ACER2: variants seen among roughly 807,000 people sequenced by gnomAD.
The protein encoded by ACER2 is alkCDase 2.
ACER2 carries 26 observed loss-of-function variants against 34.7 expected under a neutral mutation model. The ratio of observed to expected loss-of-function variants is 0.75; its 90% CI spans 0.55 to 1.04. The LOEUF is 1.04. Among genes scored for constraint, ACER2 ranks in the 50% least tolerant of loss-of-function variants. The pLI, the probability that ACER2 is intolerant of heterozygous loss-of-function variation, is 0.00. For missense variants in ACER2, 352 were observed against 340.8 expected, an observed-to-expected ratio of 1.03 and a Z score of -0.26; for synonymous variants, 138 against 132.1, an observed-to-expected ratio of 1.04 and a Z score of -0.31.
chr9:19,435,386 C>T (rs16937510), intron 4 of ACER2, among the ~76,000 whole-genome samples: 1 of 152,000 alleles, frequency 6.6e-6, no homozygotes. Flanking sequence ...AAAGAAAAGT[C>T]CTAGAAAGGT....
intron 3 of ACER2, among the ~76,000 whole-genome samples, chr9:19,432,926 T>C (rs924962302): frequency 6.6e-6 from 1 of 151,320 alleles, no homozygotes; most frequent in Non-Finnish European, 1.5e-5. Context: ...AAAAAAATTG[T>C]TAAACCCTGC....
chr9:19,428,782 T>G (rs917064310), intron 3 of ACER2, among the ~76,000 whole-genome samples: 3 of 99,370 alleles, frequency 3.0e-5, no homozygotes, highest in Non-Finnish European at 6.6e-5. Flanking sequence ...GTGGGTTTTT[T>G]TTTTTTTTTT....
intron 4 of ACER2, among the ~76,000 whole-genome samples, chr9:19,443,716 G>A (rs1831236698): frequency 6.6e-6 from 1 of 152,112 alleles, no homozygotes; most frequent in African/African-American, 2.4e-5. Flanking sequence ...TGGAGCAGTG[G>A]TGCGATCTCA....
Position 19,450,768 on chromosome 9 carries a change from C to G in ACER2, c.*132C>G. 2.3e-6 allele frequency: 2 copies of G among 855,272 alleles called. No individual in the cohort carries two copies. Among genetic ancestry groups the G allele is most frequent in the East Asian group, 2.6e-5 (1 of 37,790 alleles). 53.0% of individuals were successfully genotyped at this position (855,272 alleles called of 1,614,324 possible). On this transcript the variant is annotated 3_prime_UTR_variant, in exon 6 of 6. Coordinates refer to ENST00000340967, the MANE Select transcript of ACER2 (RefSeq NM_001010887.3). The stretch of plus-strand genomic sequence containing the variant: ...TTTCAAAAATCTATTTGCTGGGGCT[C>G]TTAATTTCTTTAGTGTTCTTTGTAT...
At chr9:19,409,571 C>T (rs993213670) in intron 1 of ACER2, among the ~76,000 whole-genome samples, 30 of 152,158 alleles carry the variant, frequency 2.0e-4, no homozygotes, top group African/African-American at 7.2e-4. Flanking sequence ...TGTGGCGTGA[C>T]GCACTTGGGT....
intron 4 of ACER2, among the ~76,000 whole-genome samples, chr9:19,444,896 A>G (rs1831303400): frequency 6.6e-6 from 1 of 152,162 alleles, no homozygotes; most frequent in African/African-American, 2.4e-5. Flanking sequence ...CCTTCCTACA[A>G]GAGTATTTTG....
intron 4 of ACER2, among the ~76,000 whole-genome samples, chr9:19,435,768 A>G (rs1359582850): frequency 1.3e-5 from 2 of 151,656 alleles, no homozygotes; most frequent in Non-Finnish European, 2.9e-5. Context: ...GGAAAAAAAA[A>G]GCCGGGCGCA....
intron 3 of ACER2, among the ~76,000 whole-genome samples, chr9:19,433,801 T>G (rs371342583): frequency 7.2e-6 from 1 of 139,414 alleles, no homozygotes; most frequent in African/African-American, 2.7e-5. Context: ...CCCCACCTCC[T>G]TCCCGGACGG....
At chr9:19,414,180 TC>T (rs1830168818) in intron 1 of ACER2, among the ~76,000 whole-genome samples, 1 of 152,102 alleles carries the variant, frequency 6.6e-6, no homozygotes, top group Non-Finnish European at 1.5e-5. Context: ...GCCCCCTCAG[TC>T]CCAAGCAAAC....
intron 3 of ACER2, among the ~76,000 whole-genome samples, chr9:19,427,031 A>G (rs536540234): frequency 8.5e-5 from 13 of 152,320 alleles, no homozygotes; most frequent in African/African-American, 2.9e-4. Flanking sequence ...ACTGGGTACC[A>G]TATGTGTATA....
At chr9:19,435,464 A>G (rs1184202076) in intron 4 of ACER2, among the ~76,000 whole-genome samples, 1 of 152,240 alleles carries the variant, frequency 6.6e-6, no homozygotes, top group Admixed American at 6.5e-5. Context: ...TCTATAAGGA[A>G]ATATGCACTT....
intron 4 of ACER2, among the ~76,000 whole-genome samples, chr9:19,437,767 T>C (rs1465485867): frequency 6.6e-6 from 1 of 152,100 alleles, no homozygotes; most frequent in Non-Finnish European, 1.5e-5. Flanking sequence ...GCAATGTGCA[T>C]CCTAGACACC....
intron 5 of ACER2, among the ~76,000 whole-genome samples, chr9:19,448,087 ATC>A (rs1388494861): frequency 6.9e-6 from 1 of 145,580 alleles, no homozygotes; most frequent in African/African-American, 2.6e-5. Flanking sequence ...GCTCACTGCA[ATC>A]TCTGCCTCCC....
intron 1 of ACER2, among the ~76,000 whole-genome samples, chr9:19,421,417 TAA>T (rs1355836650): frequency 6.6e-6 from 1 of 152,134 alleles, no homozygotes; most frequent in Non-Finnish European, 1.5e-5. Flanking sequence ...TAAAAAAGAA[TAA>T]GTTACTGGTA....
At chr9:19,447,008 G>T (rs1831390670) in intron 5 of ACER2, among the ~76,000 whole-genome samples, 1 of 151,902 alleles carries the variant, frequency 6.6e-6, no homozygotes, top group South Asian at 2.1e-4. Flanking sequence ...ACTTTGGAAT[G>T]CTCAGGATAC....
chr9:19,410,220 T>C (rs1488640369), intron 1 of ACER2, among the ~76,000 whole-genome samples: 1 of 152,242 alleles, frequency 6.6e-6, no homozygotes, highest in East Asian at 1.9e-4. Flanking sequence ...GAATCTCAGA[T>C]GATCTAGTCC....
At chr9:19,435,117 G>T (rs774487998) in intron 4 of ACER2, 33 bp downstream of exon 4, 1 of 1,611,912 alleles carries the variant, frequency 6.2e-7, no homozygotes, top group East Asian at 2.2e-5. Flanking sequence ...ACCCTTAGCT[G>T]TCCCCGTGCT....
intron 4 of ACER2, among the ~76,000 whole-genome samples, chr9:19,444,057 A>T (rs1162940480): frequency 2.0e-5 from 3 of 151,890 alleles, no homozygotes; most frequent in African/African-American, 7.2e-5. Context: ...AGAATGCGCT[A>T]AGGCAGGGGT....
intron 3 of ACER2, among the ~76,000 whole-genome samples, chr9:19,426,883 A>G (rs1830587750): frequency 6.6e-6 from 1 of 152,178 alleles, no homozygotes; most frequent in Admixed American, 6.6e-5. Flanking sequence ...CCCCATTAAA[A>G]AAATAGAAAA....
Sources: gnomAD v4.1 joint callset for allele counts (sites outside exome capture counted in the v4.1 genomes callset) on GRCh38, gnomAD v4.1.1 for gene constraint, MANE v1.5 for transcripts, NCBI Gene and HGNC (gene_info 2026-07-23, HGNC 2026-07-21) for gene names.